LMX1B: variants seen among roughly 807,000 people sequenced by gnomAD.
LMX1B encodes LIM homeobox transcription factor 1 beta.
A neutral mutation model predicts 51.4 loss-of-function variants in LMX1B; 12 were observed. The ratio of observed to expected loss-of-function variants is 0.23; its 90% CI spans 0.15 to 0.38. LMX1B has a LOEUF of 0.38. LMX1B is among the 10% of genes least tolerant of loss of function. LMX1B has a pLI of 1.00. For missense variants in LMX1B, 445 were observed against 571.1 expected (o/e 0.78, Z 2.25); for synonymous variants, 237 against 235.4 (o/e 1.01, Z -0.06).
In LMX1B at chr9:126,689,080, G is replaced by A. The variant is rs1490032509; in HGVS notation, c.327-1756G>A. Among the ~76,000 whole-genome samples, 3 of 152,358 alleles carry A rather than the reference G, an allele frequency of 2.0e-5. No individual in the cohort carries two copies. The East Asian group carries it at 5.8e-4, about 29-fold the overall frequency. ...GGACGCTGAGGGGAGCATAGAGGAG[G>A]CTACCTCCCCCAGACTGGGGCATCA... On this transcript the variant is annotated intron_variant, in intron 2 of 7. Coordinates refer to ENST00000373474, the MANE Select transcript of LMX1B (RefSeq NM_001174147.2).
At chr9:126,662,816 A>T (rs1362047910) in intron 2 of LMX1B, among the ~76,000 whole-genome samples, 1 of 152,246 alleles carries the variant, frequency 6.6e-6, no homozygotes, top group Non-Finnish European at 1.5e-5. Context: ...CTCTGGCCTA[A>T]GCTTCCTCCA....
chr9:126,648,154 G>C (rs888596780), intron 2 of LMX1B, among the ~76,000 whole-genome samples: 1 of 152,330 alleles, frequency 6.6e-6, no homozygotes, highest in Non-Finnish European at 1.5e-5. Flanking sequence ...GGGCCTATAA[G>C]AAAAATGAAC....
rs1311449773 is a variant in LMX1B, at chr9:126,697,227, A to G, written c.*776A>G. The G allele has an allele frequency of 4.6e-5, 7 of 152,386 alleles. No individual in the cohort carries two copies. Among genetic ancestry groups the G allele is most frequent in the Admixed American group, 4.6e-4 (7 of 15,284 alleles). 9.4% of individuals were successfully genotyped at this position (152,386 alleles called of 1,614,324 possible). On this transcript the variant is annotated 3_prime_UTR_variant, in exon 8 of 8. Transcript: ENST00000373474. Reference sequence around the variant, plus strand: ...TTGGAAAGGGAGGAAGGGGAGAGGAAGAGGCGAACTTGAAGCATCGGACCC... The same window carrying G: ...TTGGAAAGGGAGGAAGGGGAGAGGAGGAGGCGAACTTGAAGCATCGGACCC...
At chr9:126,687,017 A>T (rs953470829) in intron 2 of LMX1B, among the ~76,000 whole-genome samples, 2 of 152,142 alleles carry the variant, frequency 1.3e-5, no homozygotes, top group Admixed American at 6.5e-5. Flanking sequence ...GGGGCCCTGT[A>T]AACCCAGTCA....
At chr9:126,622,557 A>G (rs1449380154) in intron 2 of LMX1B, among the ~76,000 whole-genome samples, 1 of 152,208 alleles carries the variant, frequency 6.6e-6, no homozygotes, top group African/African-American at 2.4e-5. Flanking sequence ...GAGGAGCAGC[A>G]CTGGGTTGGG....
At chr9:126,624,275 C>T (rs1588264482) in intron 2 of LMX1B, among the ~76,000 whole-genome samples, 1 of 152,132 alleles carries the variant, frequency 6.6e-6, no homozygotes, top group South Asian at 2.1e-4. Flanking sequence ...CCAGGTGGGG[C>T]CTTACGCGGT....
In LMX1B at chr9:126,696,016, A is replaced by ACCGGGGG. The variant is rs2030315759; in HGVS notation, c.1051+15_1051+16insGGGGGCC. On this transcript the variant is annotated intron_variant, in intron 7 of 7. Transcript: ENST00000373474. ...ATGAACCCCTATGGTAAGCCGCCCTACCCCCACCCGCCCGCCCCAGCACAG... is the reference window on the plus strand; with the variant it reads ...ATGAACCCCTATGGTAAGCCGCCCTACCGGGGGCCCCCACCCGCCCGCCCCAGCACAG... The ACCGGGGG allele has an allele frequency of 4.0e-6, 6 of 1,512,664 alleles. No homozygotes were observed. The highest frequency in any genetic ancestry group is 5.3e-6 in the Non-Finnish European group (6 of 1,131,764). The allele number at this position is 1,512,664 out of a possible 1,614,324, so 93.7% of individuals were successfully genotyped here.
intron 2 of LMX1B, among the ~76,000 whole-genome samples, chr9:126,675,455 G>A (rs909687519): frequency 2.0e-5 from 3 of 152,210 alleles, no homozygotes; most frequent in East Asian, 1.9e-4. Context: ...GGCCGGGTGC[G>A]GTGGCTCACG....
chr9:126,681,340 C>G (rs932145607), intron 2 of LMX1B, among the ~76,000 whole-genome samples: 1 of 152,174 alleles, frequency 6.6e-6, no homozygotes, highest in Non-Finnish European at 1.5e-5. Flanking sequence ...CAGGGCTGCA[C>G]TCCCTGTTCT....
chr9:126,696,488 TG>T lies in LMX1B; in HGVS notation c.*44del, dbSNP rs574893649. ...GCGCACGGACGCTTGGGCAGGGGCCTGGGGGGGACTGCCAGCCTCTGCGGCC... is the reference window on the plus strand; with the variant it reads ...GCGCACGGACGCTTGGGCAGGGGCCTGGGGGGACTGCCAGCCTCTGCGGCC... On this transcript the variant is annotated 3_prime_UTR_variant, in exon 8 of 8. Coordinates refer to ENST00000373474, the MANE Select transcript of LMX1B (RefSeq NM_001174147.2). The T allele has an allele frequency of 5.6e-6, 9 of 1,610,288 alleles. No homozygotes were observed. The highest frequency in any genetic ancestry group is 4.0e-5 in the African/African-American group (3 of 74,836).
At chr9:126,637,295 A>AGT (rs199529176) in intron 2 of LMX1B, among the ~76,000 whole-genome samples, 1 of 151,908 alleles carries the variant, frequency 6.6e-6, no homozygotes, top group African/African-American at 2.4e-5. Context: ...CGCCTGTGTC[A>AGT]GTGTGTGTGT....
chr9:126,643,946 CA>C (rs1410021837), intron 2 of LMX1B, among the ~76,000 whole-genome samples: 2 of 152,314 alleles, frequency 1.3e-5, no homozygotes, highest in African/African-American at 2.4e-5. Flanking sequence ...GGCTCGGGGT[CA>C]AGTGACTTGC....
At chr9:126,696,082 C>A in intron 7 of LMX1B, 79 bp downstream of exon 7, 1 of 1,331,998 alleles carries the variant, frequency 7.5e-7, no homozygotes, top group Non-Finnish European at 1.0e-6. Flanking sequence ...GGGGCCAGGA[C>A]AGCCACCTGC....
intron 2 of LMX1B, among the ~76,000 whole-genome samples, chr9:126,685,064 A>G (rs137888841): frequency 6.6e-6 from 1 of 152,294 alleles, no homozygotes; most frequent in African/African-American, 2.4e-5. Context: ...TAGACCCAGT[A>G]TCTGATTTCT....
At chr9:126,659,748 A>C (rs936795710) in intron 2 of LMX1B, among the ~76,000 whole-genome samples, 5 of 150,214 alleles carry the variant, frequency 3.3e-5, no homozygotes, top group Non-Finnish European at 7.4e-5. Flanking sequence ...GTGTTTGTCT[A>C]CACTAGCCTT....
intron 2 of LMX1B, among the ~76,000 whole-genome samples, chr9:126,644,211 G>C (rs1435608568): frequency 1.3e-5 from 2 of 152,214 alleles, no homozygotes; most frequent in African/African-American, 4.8e-5. Context: ...CGTTTCCCAG[G>C]CTGGAGAGTC....
chr9:126,696,657 C>T lies in LMX1B; in HGVS notation c.*206C>T. On this transcript the variant is annotated 3_prime_UTR_variant, in exon 8 of 8. Coordinates refer to ENST00000373474, the MANE Select transcript of LMX1B (RefSeq NM_001174147.2). Reference sequence around the variant, plus strand: ...GGCACAGCCTGGGCAGGGGCTGTGTCCTGCCCACAGAGACCTTGTCATCCC... The same window carrying T: ...GGCACAGCCTGGGCAGGGGCTGTGTTCTGCCCACAGAGACCTTGTCATCCC... 1.6e-6 allele frequency: 1 copy of T among 606,246 alleles called. No homozygotes were observed. The highest frequency in any genetic ancestry group is 2.9e-6 in the Non-Finnish European group (1 of 344,148). 37.6% of individuals were successfully genotyped at this position (606,246 alleles called of 1,614,324 possible).
intron 2 of LMX1B, among the ~76,000 whole-genome samples, chr9:126,619,284 C>T (rs777056930): frequency 1.3e-4 from 20 of 152,218 alleles, no homozygotes; most frequent in Admixed American, 2.6e-4. Context: ...TCACCTCTCC[C>T]CCCACACTCC....
intron 2 of LMX1B, among the ~76,000 whole-genome samples, chr9:126,649,924 G>A (rs1835968845): frequency 6.6e-6 from 1 of 152,216 alleles, no homozygotes; most frequent in Admixed American, 6.5e-5. Context: ...CACCGAGCCT[G>A]GCAGAGAACC....
Sources: gnomAD v4.1 joint callset for allele counts (sites outside exome capture counted in the v4.1 genomes callset) on GRCh38, gnomAD v4.1.1 for gene constraint, MANE v1.5 for transcripts, NCBI Gene and HGNC (gene_info 2026-07-23, HGNC 2026-07-21) for gene names.